Variants in SNRNP40 observed in about 807,000 individuals in gnomAD.
The protein encoded by SNRNP40 is small nuclear ribonucleoprotein U5 subunit 40, also known as U5 small nuclear ribonucleoprotein 40 kDa protein.
A neutral mutation model predicts 45.8 loss-of-function variants in SNRNP40; 21 were observed. The observed-to-expected ratio is 0.46, with a 90% CI of 0.32 to 0.66. SNRNP40 has a LOEUF of 0.66. Among genes scored for constraint, SNRNP40 ranks in the 30% least tolerant of loss-of-function variants. The pLI is 0.03. For synonymous variants in SNRNP40, 142 were observed against 163.8 expected, an observed-to-expected ratio of 0.87 and a Z score of 1.01; for missense variants, 344 against 439.1, an observed-to-expected ratio of 0.78 and a Z score of 1.94.
At chr1:31,261,384 A>C in intron 9 of SNRNP40, 145 bp downstream of exon 9, 3 of 626,332 alleles carry the variant, frequency 4.8e-6, no homozygotes, top group Non-Finnish European at 5.6e-6. Context: ...CAACAAAAAA[A>C]CCAACAACAA....
At chr1:31,281,022 A>T (rs1646013015) in intron 5 of SNRNP40, among the ~76,000 whole-genome samples, 1 of 152,224 alleles carries the variant, frequency 6.6e-6, no homozygotes, top group African/African-American at 2.4e-5. Context: ...GTGAGAGATG[A>T]GGATACAGAA....
intron 4 of SNRNP40, among the ~76,000 whole-genome samples, chr1:31,283,607 A>G (rs971926978): frequency 6.6e-6 from 1 of 152,108 alleles, no homozygotes; most frequent in African/African-American, 2.4e-5. Context: ...CGTCTCAAAA[A>G]CCAACCAACC....
chr1:31,282,374 G>C (rs1646022350), intron 4 of SNRNP40: 1 of 151,974 alleles, frequency 6.6e-6, no homozygotes, highest in Non-Finnish European at 1.5e-5. Flanking sequence ...AACAGTTGGG[G>C]CAAAAATACA....
At chr1:31,269,999 T>C (rs537275270) in intron 6 of SNRNP40, among the ~76,000 whole-genome samples, 48 of 152,268 alleles carry the variant, frequency 3.2e-4, no homozygotes, top group African/African-American at 1.2e-3. Flanking sequence ...GCCTCCCAGA[T>C]TCAAGTGATT....
intron 1 of SNRNP40, among the ~76,000 whole-genome samples, chr1:31,295,595 G>A (rs1290819139): frequency 1.3e-5 from 2 of 152,198 alleles, no homozygotes; most frequent in East Asian, 3.8e-4. Flanking sequence ...TAAGAAATTG[G>A]TCAGAGAGGT....
intron 4 of SNRNP40, among the ~76,000 whole-genome samples, chr1:31,285,735 C>T (rs1020878188): frequency 2.0e-5 from 3 of 152,206 alleles, no homozygotes; most frequent in African/African-American, 4.8e-5. Context: ...AGACTCCAGT[C>T]TGCAAGACTC....
intron 4 of SNRNP40, among the ~76,000 whole-genome samples, chr1:31,285,017 T>C (rs1050669517): frequency 9.9e-5 from 15 of 152,180 alleles, no homozygotes; most frequent in South Asian, 4.1e-4. Flanking sequence ...TTTGTCTCAA[T>C]AGATACTTCA....
chr1:31,278,289 T>C (rs138351292), intron 5 of SNRNP40, among the ~76,000 whole-genome samples: 44 of 152,330 alleles, frequency 2.9e-4, no homozygotes, highest in African/African-American at 1.0e-3. Context: ...AGCCATACTA[T>C]TGACAGTAAG....
At chr1:31,266,367 A>C (rs1448723400) in intron 8 of SNRNP40, among the ~76,000 whole-genome samples, 2 of 152,172 alleles carry the variant, frequency 1.3e-5, no homozygotes, top group African/African-American at 4.8e-5. Context: ...GATTAAGCTA[A>C]AAAGGGTCAA....
intron 8 of SNRNP40, among the ~76,000 whole-genome samples, chr1:31,265,979 A>G (rs1423591089): frequency 6.6e-6 from 1 of 152,216 alleles, no homozygotes; most frequent in African/African-American, 2.4e-5. Flanking sequence ...CAACTTGATA[A>G]CTTAAAATTC....
At chr1:31,283,766 T>C (rs1646036294) in intron 4 of SNRNP40, among the ~76,000 whole-genome samples, 1 of 152,208 alleles carries the variant, frequency 6.6e-6, no homozygotes, top group South Asian at 2.1e-4. Flanking sequence ...AAGAAGCAAG[T>C]AACTATGGTC....
chr1:31,268,446 A>AT (rs988519572), intron 7 of SNRNP40, among the ~76,000 whole-genome samples: 32 of 152,036 alleles, frequency 2.1e-4, no homozygotes, highest in Non-Finnish European at 3.7e-4. Flanking sequence ...CCACACCCAG[A>AT]TTTTTTATCT....
intron 3 of SNRNP40, among the ~76,000 whole-genome samples, chr1:31,291,402 C>G (rs1646106733): frequency 6.6e-6 from 1 of 151,374 alleles, no homozygotes; most frequent in Non-Finnish European, 1.5e-5. Flanking sequence ...ATAGAAATAG[C>G]TGATTTCAGG....
rs1465287969 is a variant in SNRNP40, at chr1:31,281,428, G to A, written c.600C>T (p.Thr200=). 2 of 1,609,830 alleles carry A rather than the reference G, an allele frequency of 1.2e-6. No individual in the cohort carries two copies. The highest frequency in any genetic ancestry group is 1.7e-6 in the Non-Finnish European group (2 of 1,176,374). ...TAATCTGATCACTTGTGTCATTGAAGGTCACAGCTAACACCTGGTACGTGT... is the reference window on the plus strand; with the variant it reads ...TAATCTGATCACTTGTGTCATTGAAAGTCACAGCTAACACCTGGTACGTGT... ...FQNTYQVLAV[T]FNDTSDQIIS... Residue 200 remains threonine, a synonymous_variant, in exon 5 of 10, where the codon ACC becomes ACT. Transcript: ENST00000263694.
At chr1:31,293,465 T>A in intron 1 of SNRNP40, 117 bp from the exon 2 acceptor site, 1 of 1,027,830 alleles carries the variant, frequency 9.7e-7, no homozygotes, top group Non-Finnish European at 1.4e-6. Context: ...GGGTTTCATC[T>A]GACTTACAGA....
chr1:31,264,580 T>C (rs557228310), intron 8 of SNRNP40, among the ~76,000 whole-genome samples: 2 of 152,238 alleles, frequency 1.3e-5, no homozygotes, highest in African/African-American at 4.8e-5. Context: ...TTGAGAAAAA[T>C]AATGAGGTAA....
rs370637426 is a variant in SNRNP40, at chr1:31,261,510, C to G, written c.1024+19G>C. The G allele has an allele frequency of 4.7e-5, 73 of 1,542,330 alleles. No homozygotes were observed. The highest frequency in any genetic ancestry group is 6.2e-5 in the Non-Finnish European group (69 of 1,115,330). On this transcript the variant is annotated intron_variant, in intron 9 of 9. Transcript: ENST00000263694. ...GGAGATTTCCAGTTTCCCTTTCCCC[C>G]TCGTTGGGACAGACTTACTGATGGG...
chr1:31,273,931 G>A (rs1411209669), intron 5 of SNRNP40, among the ~76,000 whole-genome samples: 2 of 152,122 alleles, frequency 1.3e-5, no homozygotes, highest in Admixed American at 6.5e-5. Flanking sequence ...TGAAGCACCT[G>A]AGCAGGGTCT....
intron 8 of SNRNP40, among the ~76,000 whole-genome samples, chr1:31,266,490 C>T (rs1645897655): frequency 6.6e-6 from 1 of 152,176 alleles, no homozygotes; most frequent in Admixed American, 6.5e-5. Context: ...CCCTATTCAA[C>T]CTCTGATTCT....
Sources: gnomAD v4.1 joint callset for allele counts (sites outside exome capture counted in the v4.1 genomes callset) on GRCh38, gnomAD v4.1.1 for gene constraint, MANE v1.5 for transcripts, NCBI Gene and HGNC (gene_info 2026-07-23, HGNC 2026-07-21) for gene names.